Variants in ADAMTS19 observed in about 807,000 individuals in gnomAD.
The protein encoded by ADAMTS19 is A disintegrin and metalloproteinase with thrombospondin motifs 19.
A neutral mutation model predicts 153.3 loss-of-function variants in ADAMTS19; 93 were observed. The observed-to-expected ratio is 0.61, with a 90% CI of 0.51 to 0.72. The LOEUF (loss-of-function observed/expected upper bound fraction) is 0.72. Among genes scored for constraint, ADAMTS19 ranks in the 30% least tolerant of loss-of-function variants. The probability of loss-of-function intolerance (pLI) is 0.00; values close to 1 mark genes in which losing one functional copy is unlikely to be tolerated. For synonymous variants in ADAMTS19, 600 were observed against 556.6 expected, an observed-to-expected ratio of 1.08 and a Z score of -1.10; for missense variants, 1,482 against 1,552.1, an observed-to-expected ratio of 0.95 and a Z score of 0.76.
At chr5:129,678,475 C>T (rs558975717) in intron 16 of ADAMTS19, among the ~76,000 whole-genome samples, 3 of 151,958 alleles carry the variant, frequency 2.0e-5, no homozygotes, top group Non-Finnish European at 2.9e-5. Context: ...AGAACATATA[C>T]ATGTTGTTCA....
At position 129,679,862 on chromosome 5, in the gene ADAMTS19, C is replaced by T. The variant is rs1278634512; in HGVS notation, c.2605C>T (p.Arg869Ter). Reference protein sequence around the residue: ...LAGTTVHYVRRGLWEKISAKG... With the variant: ...LAGTTVHYVR ...TGGAACTACCGTTCATTATGTAAGACGAGGCCTCTGGGAGAAGATCTCTGC... is the reference window on the plus strand; with the variant it reads ...TGGAACTACCGTTCATTATGTAAGATGAGGCCTCTGGGAGAAGATCTCTGC... Residue 869 changes from arginine to a stop codon, truncating the protein, a stop_gained, in exon 17 of 23, where the codon CGA becomes TGA. Coordinates refer to ENST00000274487, the MANE Select transcript of ADAMTS19 (RefSeq NM_133638.6). LOFTEE classifies it high-confidence loss of function. 6.8e-6 allele frequency: 11 copies of T among 1,613,872 alleles called. No homozygotes were observed. Among genetic ancestry groups the T allele is most frequent in the East Asian group, 4.5e-5 (2 of 44,858 alleles).
chr5:129,599,337 A>G (rs149947347), intron 8 of ADAMTS19, among the ~76,000 whole-genome samples: 4 of 152,294 alleles, frequency 2.6e-5, no homozygotes, highest in African/African-American at 9.6e-5. Flanking sequence ...AATTAATTTT[A>G]CAAAGATACA....
intron 20 of ADAMTS19, 141 bp downstream of exon 20, chr5:129,701,733 T>C: frequency 1.1e-6 from 1 of 900,828 alleles, no homozygotes; most frequent in Non-Finnish European, 1.6e-6. Context: ...ATTAAAGGAA[T>C]ACATTCAAAT....
At chr5:129,579,151 G>A (rs966266666) in intron 7 of ADAMTS19, among the ~76,000 whole-genome samples, 9 of 152,178 alleles carry the variant, frequency 5.9e-5, no homozygotes, top group African/African-American at 1.9e-4. Context: ...GCGTGAGATA[G>A]TATCTCATTG....
At chr5:129,734,142 G>A (rs6867107) in intron 21 of ADAMTS19, among the ~76,000 whole-genome samples, 24,753 of 151,654 alleles carry the variant, frequency 0.16, 2,226 homozygotes, top group East Asian at 0.29. Flanking sequence ...ATGGGCCCAC[G>A]TGGACATAGA....
At chr5:129,684,861 C>A (rs1472720892) in intron 18 of ADAMTS19, among the ~76,000 whole-genome samples, 1 of 151,990 alleles carries the variant, frequency 6.6e-6, no homozygotes, top group East Asian at 1.9e-4. Flanking sequence ...GTGGCGGGCG[C>A]CTGTAGTCCC....
intron 16 of ADAMTS19, among the ~76,000 whole-genome samples, chr5:129,674,828 C>T (rs1754483990): frequency 6.6e-6 from 1 of 152,080 alleles, no homozygotes; most frequent in African/African-American, 2.4e-5. Context: ...CTTTTTTATA[C>T]ATTTACCACT....
At chr5:129,517,864 C>T (rs1490465376) in intron 3 of ADAMTS19, among the ~76,000 whole-genome samples, 1 of 151,858 alleles carries the variant, frequency 6.6e-6, no homozygotes, top group Non-Finnish European at 1.5e-5. Flanking sequence ...TCGTATCTTC[C>T]TTGTTTCTTT....
intron 10 of ADAMTS19, 75 bp downstream of exon 10, chr5:129,622,423 A>AT: frequency 6.5e-7 from 1 of 1,531,114 alleles, no homozygotes; most frequent in Non-Finnish European, 8.9e-7. Context: ...AGGTAACATT[A>AT]TTTTAGGGTT....
chr5:129,460,423 A>T lies in ADAMTS19; in HGVS notation c.32A>T (p.His11Leu). MGKNREMRLTHICCCCLLYQL... is the reference protein window; with the variant it reads MGKNREMRLTLICCCCLLYQL... ...AAGAACCGCGAGATGCGCCTGACTC[A>T]CATCTGCTGCTGCTGCCTCCTTTAC... Residue 11 changes from histidine (H) to leucine (L), a missense_variant, in exon 1 of 23, where the codon CAC becomes CTC. By Grantham distance (99) the His-to-Leu change is moderately conservative. Around this residue, in one of 2 missense-constraint regions of ADAMTS19, gnomAD observed 866 missense variants for 827.7 expected, o/e 1.05. Coordinates refer to ENST00000274487, the MANE Select transcript of ADAMTS19 (RefSeq NM_133638.6). 1 of 1,614,080 alleles carries T rather than the reference A, an allele frequency of 6.2e-7. No homozygotes were observed.
intron 2 of ADAMTS19, among the ~76,000 whole-genome samples, chr5:129,508,536 A>T (rs1751335143): frequency 6.6e-6 from 1 of 152,040 alleles, no homozygotes; most frequent in Non-Finnish European, 1.5e-5. Context: ...TTATGTAAGT[A>T]ATGCTTCATT....
At chr5:129,641,055 T>C (rs564643976) in intron 10 of ADAMTS19, among the ~76,000 whole-genome samples, 2 of 152,186 alleles carry the variant, frequency 1.3e-5, no homozygotes, top group Admixed American at 6.5e-5. Flanking sequence ...GTTAACAATA[T>C]GTGTGAGTCT....
intron 3 of ADAMTS19, among the ~76,000 whole-genome samples, chr5:129,513,828 TAA>T: frequency 6.6e-6 from 1 of 151,968 alleles, no homozygotes; most frequent in African/African-American, 2.4e-5. Context: ...AATATACAAT[TAA>T]GTTATTATTG....
intron 7 of ADAMTS19, among the ~76,000 whole-genome samples, chr5:129,587,850 A>C (rs1749898583): frequency 6.6e-6 from 1 of 151,940 alleles, no homozygotes; most frequent in African/African-American, 2.4e-5. Context: ...CTGCAGTTGT[A>C]CTCTTCTGGA....
At chr5:129,706,262 G>A (rs1279043398) in intron 21 of ADAMTS19, among the ~76,000 whole-genome samples, 2 of 152,098 alleles carry the variant, frequency 1.3e-5, no homozygotes, top group African/African-American at 4.8e-5. Context: ...TCCAACTTTG[G>A]TGATAAATAG....
chr5:129,510,479 A>G (rs1313242773), intron 3 of ADAMTS19, among the ~76,000 whole-genome samples: 1 of 151,848 alleles, frequency 6.6e-6, no homozygotes, highest in African/African-American at 2.4e-5. Context: ...TTTAAATAAG[A>G]CATATCCCTC....
chr5:129,607,097 A>G (rs1400365173), intron 8 of ADAMTS19, among the ~76,000 whole-genome samples: 2 of 151,938 alleles, frequency 1.3e-5, no homozygotes, highest in African/African-American at 4.8e-5. Flanking sequence ...TTGTATTTTT[A>G]GTAGAGACAG....
intron 14 of ADAMTS19, among the ~76,000 whole-genome samples, chr5:129,656,241 G>A (rs943067995): frequency 1.3e-5 from 2 of 152,124 alleles, no homozygotes; most frequent in Admixed American, 1.3e-4. Context: ...TATTTGAAAT[G>A]GATTGTGGCT....
chr5:129,583,824 AG>A (rs1455289828), intron 7 of ADAMTS19, among the ~76,000 whole-genome samples: 1 of 151,946 alleles, frequency 6.6e-6, no homozygotes, highest in Non-Finnish European at 1.5e-5. Context: ...ACCATTTCCA[AG>A]GTTCTTAGCT....
Sources: gnomAD v4.1 joint callset for allele counts (sites outside exome capture counted in the v4.1 genomes callset) on GRCh38, gnomAD v4.1.1 for gene constraint, gnomAD v4.1.1 regional missense constraint, MANE v1.5 for transcripts, NCBI Gene and HGNC (gene_info 2026-07-23, HGNC 2026-07-21) for gene names.